The following OXR1 variants were observed in gnomAD, a reference collection of about 807,000 sequenced individuals.
The protein encoded by OXR1 is oxidation resistance 1.
Under a neutral mutation model 104.6 loss-of-function variants are expected in OXR1, and 41 were observed. That is an observed-to-expected ratio of 0.39 (90% confidence interval 0.31 to 0.51). The LOEUF (loss-of-function observed/expected upper bound fraction) is 0.51. OXR1 is among the 20% of genes least tolerant of loss of function. The pLI is 0.77. For missense variants in OXR1, 955 were observed against 1,031.9 expected (o/e 0.93, Z 1.02); for synonymous variants, 348 against 348.4 (o/e 1.00, Z 0.01).
chr8:106,290,127 G>C (rs1396911908), intron 1 of OXR1, among the ~76,000 whole-genome samples: 4 of 152,044 alleles, frequency 2.6e-5, no homozygotes, highest in African/African-American at 9.7e-5. Flanking sequence ...GAATGGAACA[G>C]GGTAAAAATC....
intron 1 of OXR1, among the ~76,000 whole-genome samples, chr8:106,300,302 T>C (rs748219709): frequency 1.3e-5 from 2 of 152,128 alleles, no homozygotes; most frequent in Non-Finnish European, 2.9e-5. Flanking sequence ...GGTTGCTTTG[T>C]ATGTATTAAC....
At chr8:106,374,104 A>C (rs983279187) in intron 2 of OXR1, among the ~76,000 whole-genome samples, 2 of 152,288 alleles carry the variant, frequency 1.3e-5, no homozygotes, top group African/African-American at 2.4e-5. Flanking sequence ...ATTGCCTAGA[A>C]AGGGCTAAAA....
intron 2 of OXR1, among the ~76,000 whole-genome samples, chr8:106,463,596 T>A (rs1439732487): frequency 6.6e-6 from 1 of 152,100 alleles, no homozygotes; most frequent in African/African-American, 2.4e-5. Flanking sequence ...GAGCAATGTA[T>A]CTCTGCTTAG....
At chr8:106,712,194 C>CA (rs60943345) in intron 10 of OXR1, among the ~76,000 whole-genome samples, 45,320 of 151,812 alleles carry the variant, frequency 0.3, 8,785 homozygotes, top group African/African-American at 0.55. Context: ...TATATAATTC[C>CA]AAAAATTAAT....
chr8:106,524,561 CCAAA>C (rs1813511568), intron 3 of OXR1, among the ~76,000 whole-genome samples: 1 of 152,136 alleles, frequency 6.6e-6, no homozygotes. Context: ...CAGTGACACA[CCAAA>C]CAGTGATTAG....
At chr8:106,750,729 A>T in intron 16 of OXR1, 77 bp from the exon 17 acceptor site, 1 of 979,866 alleles carries the variant, frequency 1.0e-6, no homozygotes, top group Non-Finnish European at 1.5e-6. Context: ...TAGGGTTGTT[A>T]GGTATTCAAA....
rs2131088188 is a variant in OXR1 at position 106,661,235 on chromosome 8, C to G, written c.221-17975C>G. ...GTCAATGTTTCTGAGTTTACCCTTT[C>G]TATAAAGAAACCACTTACTGAACTG... is the stretch of plus-strand genomic sequence containing the variant. On this transcript the variant is annotated intron_variant, in intron 3 of 16. Coordinates refer to ENST00000517566, the MANE Select transcript of OXR1 (RefSeq NM_001198533.2). 2.6e-5 allele frequency among the ~76,000 whole-genome samples: 4 copies of G among 152,286 alleles called. No homozygotes were observed. The South Asian group carries it at 8.3e-4, about 32-fold the overall frequency.
intron 1 of OXR1, among the ~76,000 whole-genome samples, chr8:106,325,520 G>A (rs562339912): frequency 2.0e-5 from 3 of 152,098 alleles, no homozygotes; most frequent in South Asian, 4.1e-4. Flanking sequence ...TATAATAATA[G>A]CATCTATGAC....
chr8:106,429,158 A>G (rs1372369140), intron 2 of OXR1, among the ~76,000 whole-genome samples: 4 of 151,964 alleles, frequency 2.6e-5, no homozygotes, highest in South Asian at 2.1e-4. Context: ...TGATCTTTCT[A>G]TGACCACATC....
intron 2 of OXR1, among the ~76,000 whole-genome samples, chr8:106,492,455 T>C (rs932307791): frequency 2.6e-5 from 4 of 152,188 alleles, no homozygotes; most frequent in Non-Finnish European, 5.9e-5. Flanking sequence ...TCTCAGTGTG[T>C]TCACTATATC....
intron 3 of OXR1, among the ~76,000 whole-genome samples, chr8:106,602,506 T>C (rs1820049483): frequency 6.6e-6 from 1 of 152,202 alleles, no homozygotes; most frequent in Non-Finnish European, 1.5e-5. Flanking sequence ...ACAACTTTGG[T>C]ATAAGCAAAT....
intron 3 of OXR1, among the ~76,000 whole-genome samples, chr8:106,525,878 G>A (rs1248153932): frequency 1.3e-5 from 2 of 152,276 alleles, no homozygotes; most frequent in African/African-American, 2.4e-5. Flanking sequence ...CACAGTCTAC[G>A]ATTAATCATC....
intron 2 of OXR1, among the ~76,000 whole-genome samples, chr8:106,363,159 T>C (rs1816320099): frequency 6.6e-6 from 1 of 152,228 alleles, no homozygotes; most frequent in African/African-American, 2.4e-5. Context: ...AGTGAGCATC[T>C]ATAACATGCC....
chr8:106,683,023 G>T (rs1828333141), intron 4 of OXR1, among the ~76,000 whole-genome samples, 176 bp from the exon 5 acceptor site: 3 of 152,128 alleles, frequency 2.0e-5, no homozygotes. Flanking sequence ...TATTGTAATA[G>T]ATTAAGAGCA....
chr8:106,510,700 G>GTT (rs200845378), intron 2 of OXR1, among the ~76,000 whole-genome samples: 1 of 151,958 alleles, frequency 6.6e-6, no homozygotes, highest in Non-Finnish European at 1.5e-5. Context: ...AGAATTTCTT[G>GTT]TTTTTTTGTT....
chr8:106,350,633 C>A (rs932083398), intron 1 of OXR1, among the ~76,000 whole-genome samples: 1 of 152,160 alleles, frequency 6.6e-6, no homozygotes, highest in Non-Finnish European at 1.5e-5. Context: ...CTGTGCTGAT[C>A]TGAAGTTTTA....
intron 3 of OXR1, among the ~76,000 whole-genome samples, chr8:106,593,408 A>C (rs1437868893): frequency 6.6e-6 from 1 of 152,246 alleles, no homozygotes; most frequent in Non-Finnish European, 1.5e-5. Flanking sequence ...TCATCTTTGC[A>C]TCCGAAACAG....
At chr8:106,470,325 C>A (rs139397267) in intron 2 of OXR1, among the ~76,000 whole-genome samples, 74 of 151,812 alleles carry the variant, frequency 4.9e-4, no homozygotes, top group African/African-American at 1.6e-3. Context: ...TAATGGAAAC[C>A]ATTCTTCCAG....
intron 2 of OXR1, among the ~76,000 whole-genome samples, chr8:106,428,062 G>A (rs1819204609): frequency 6.6e-6 from 1 of 152,048 alleles, no homozygotes; most frequent in Non-Finnish European, 1.5e-5. Context: ...GTGGGTGGCT[G>A]GTGGCTACCC....
Sources: allele counts gnomAD v4.1 joint callset (sites outside exome capture counted in the v4.1 genomes callset), GRCh38; gene constraint gnomAD v4.1.1; transcripts MANE v1.5; gene names NCBI Gene and HGNC (gene_info 2026-07-23, HGNC 2026-07-21).